NSMCE4A: variants seen among roughly 807,000 people sequenced by gnomAD.
NSMCE4A encodes the protein NSE4A component of SMC5/6 complex.
Under a neutral mutation model 47.9 loss-of-function variants are expected in NSMCE4A, and 40 were observed. The observed-to-expected ratio is 0.83, with a 90% confidence interval of 0.65 to 1.09. The LOEUF (loss-of-function observed/expected upper bound fraction) is 1.09. NSMCE4A is among the 50% of genes least tolerant of loss of function. The probability of loss-of-function intolerance (pLI) is 0.00; values close to 1 mark genes in which losing one functional copy is unlikely to be tolerated. For synonymous variants in NSMCE4A, 166 were observed against 178.5 expected (o/e 0.93, Z 0.56); for missense variants, 500 against 507.0 (o/e 0.99, Z 0.13).
chr10:121,967,533 G>A (rs1361869190), intron 4 of NSMCE4A, 122 bp downstream of exon 4: 3 of 1,092,290 alleles, frequency 2.7e-6, no homozygotes, highest in African/African-American at 1.6e-5. Flanking sequence ...AGTTTCAAAA[G>A]TCTCCAAACA....
intron 5 of NSMCE4A, 103 bp downstream of exon 5, chr10:121,965,183 C>A: frequency 1.5e-6 from 1 of 676,610 alleles, no homozygotes; most frequent in Non-Finnish European, 2.5e-6. Flanking sequence ...AACCTGGCTC[C>A]AGACCCGCAC....
At chr10:121,968,495 T>C (rs1299079784) in intron 3 of NSMCE4A, among the ~76,000 whole-genome samples, 1 of 152,220 alleles carries the variant, frequency 6.6e-6, no homozygotes, top group African/African-American at 2.4e-5. Flanking sequence ...TCAGCTTGTA[T>C]CTCAGTATAT....
intron 5 of NSMCE4A, among the ~76,000 whole-genome samples, chr10:121,964,941 G>A (rs1043749035): frequency 2.0e-5 from 3 of 151,900 alleles, no homozygotes; most frequent in East Asian, 1.9e-4. Context: ...CTCAGGGGTC[G>A]GGGGGGCTAT....
chr10:121,960,257 A>C lies in NSMCE4A; in HGVS notation c.988+101T>G. 1 of 777,972 alleles carries C rather than the reference A, an allele frequency of 1.3e-6. No individual in the cohort carries two copies. The highest frequency in any genetic ancestry group is 1.9e-6 in the Non-Finnish European group (1 of 528,210). 48.2% of individuals were successfully genotyped at this position (777,972 alleles called of 1,614,324 possible). A position where few individuals can be genotyped will look rare whatever the true frequency, so the allele number is the denominator to read the frequency against. ...AGCAAGATACAATATTGTAAAAGTT[A>C]ATCTACATTGAAAATTCATTTACAT... On this transcript the variant is annotated intron_variant, in intron 8 of 10. Transcript: ENST00000369023. The surrounding 1 kb of genome is among the most constrained non-coding windows in gnomAD (Gnocchi z 4.2).
At chr10:121,964,896 T>G (rs1952577119) in intron 5 of NSMCE4A, among the ~76,000 whole-genome samples, 1 of 152,178 alleles carries the variant, frequency 6.6e-6, no homozygotes, top group Non-Finnish European at 1.5e-5. Flanking sequence ...CAGGGAACAT[T>G]TGTTGTCACA....
rs1952486154 is a variant in NSMCE4A at position 121,960,973 on chromosome 10, A to T, written c.939+450T>A. 6.6e-6 allele frequency among the ~76,000 whole-genome samples: 1 copy of T among 152,210 alleles called. No homozygotes were observed. The highest frequency in any genetic ancestry group is 2.4e-5 in the African/African-American group (1 of 41,456). ...AACACGTGGCATATATCCTTTACCC[A>T]TATTCATCAGTCGTTAAAGTGTTAG... is the stretch of plus-strand genomic sequence containing the variant. On this transcript the variant is annotated intron_variant, in intron 7 of 10. Transcript: ENST00000369023. This position sits in a 1 kb window ranked among gnomAD's most constrained non-coding sequence, Gnocchi z 4.2.
rs760846580 is a variant in NSMCE4A at position 121,963,263 on chromosome 10, C to A, written c.819G>T (p.Leu273Phe). The change falls in exon 6 of 11, where the codon TTG becomes TTT. Residue 273 changes from leucine (L) to phenylalanine (F), a missense_variant. Physicochemically the swap from Leu to Phe is conservative, Grantham distance 22 (BLOSUM62 0). Coordinates refer to ENST00000369023, the MANE Select transcript of NSMCE4A (RefSeq NM_017615.3). Reference sequence around the variant, plus strand: ...GATCTTCTCGAAAATATGTCTGCAACAATCCCAAGATTCTTTCTACTTCTT... The same window carrying A: ...GATCTTCTCGAAAATATGTCTGCAAAAATCCCAAGATTCTTTCTACTTCTT... ...TEKEVERILG[L>F]LQTYFREDPD... is the part of the protein sequence containing the mutation. 6.2e-7 allele frequency: 1 copy of A among 1,610,952 alleles called. No individual in the cohort carries two copies. The highest frequency in any genetic ancestry group is 8.5e-7 in the Non-Finnish European group (1 of 1,177,532).
chr10:121,974,514 G>A (rs948533921), intron 1 of NSMCE4A: 1 of 1,004,862 alleles, frequency 1.0e-6, no homozygotes, highest in Non-Finnish European at 1.2e-6. Flanking sequence ...TGCAGCTGCC[G>A]CTGCGAGGCC....
intron 2 of NSMCE4A, among the ~76,000 whole-genome samples, chr10:121,973,441 T>C (rs753526362): frequency 5.1e-4 from 77 of 151,948 alleles, no homozygotes; most frequent in Non-Finnish European, 1.0e-3. Flanking sequence ...CAATTCAAAC[T>C]AAGGTTATTT....
At chr10:121,958,840 G>C (rs2134730084) in intron 10 of NSMCE4A, among the ~76,000 whole-genome samples, 1 of 115,664 alleles carries the variant, frequency 8.6e-6, no homozygotes, top group African/African-American at 2.7e-5. Context: ...TTTTGAGACA[G>C]AGTCTTGCTC....
chr10:121,970,570 G>A (rs977724660), intron 3 of NSMCE4A, among the ~76,000 whole-genome samples: 6 of 151,852 alleles, frequency 4.0e-5, no homozygotes. Context: ...CTCTCGCCAG[G>A]CCTAACTCAA....
At chr10:121,957,402 T>A (rs1394528542) in intron 10 of NSMCE4A, 143 bp from the exon 11 acceptor site, 1 of 150,976 alleles carries the variant, frequency 6.6e-6, no homozygotes, top group Non-Finnish European at 1.5e-5. Context: ...TTAAATTTAT[T>A]CCATATTTAT....
At chr10:121,970,476 GAAA>G (rs57421744) in intron 3 of NSMCE4A, among the ~76,000 whole-genome samples, 5 of 101,918 alleles carry the variant, frequency 4.9e-5, no homozygotes, top group Non-Finnish European at 9.5e-5. Flanking sequence ...TGTCTCAAAG[GAAA>G]AAAAAAAAAA....
chr10:121,960,547 A>G lies in NSMCE4A; in HGVS notation c.940-141T>C, dbSNP rs1952479672. Reference sequence around the variant, plus strand: ...TAGCAATAATAAGGTGATGATATAGATAAGACTTCCCTAGTATCTTTTATT... The same window carrying G: ...TAGCAATAATAAGGTGATGATATAGGTAAGACTTCCCTAGTATCTTTTATT... On this transcript the variant is annotated intron_variant, in intron 7 of 10. Coordinates refer to ENST00000369023, the MANE Select transcript of NSMCE4A (RefSeq NM_017615.3). This position sits in a 1 kb window ranked among gnomAD's most constrained non-coding sequence, Gnocchi z 4.2. 3.6e-6 allele frequency: 2 copies of G among 552,222 alleles called. No homozygotes were observed. The highest frequency in any genetic ancestry group is 6.3e-6 in the Non-Finnish European group (2 of 319,364). 34.2% of individuals were successfully genotyped at this position (552,222 alleles called of 1,614,324 possible).
intron 10 of NSMCE4A, 30 bp downstream of exon 10, chr10:121,959,292 GAA>G: frequency 6.4e-7 from 1 of 1,562,356 alleles, no homozygotes; most frequent in Non-Finnish European, 8.8e-7. Context: ...AACTTTAATA[GAA>G]CTGTGTAGCC....
intron 1 of NSMCE4A, 134 bp downstream of exon 1, chr10:121,974,740 C>T (rs1204656453): frequency 1.7e-6 from 2 of 1,152,210 alleles, no homozygotes; most frequent in Non-Finnish European, 2.1e-6. Context: ...GAGGGGCTGG[C>T]ACCCGGCGCG....
chr10:121,973,960 A>C, intron 2 of NSMCE4A, 44 bp downstream of exon 2: 1 of 1,351,740 alleles, frequency 7.4e-7, no homozygotes, highest in Non-Finnish European at 1.0e-6. Context: ...ACACTAATTA[A>C]AAGTATCATA....
chr10:121,963,442 T>C (rs1464034171), intron 5 of NSMCE4A, 114 bp from the exon 6 acceptor site: 15 of 631,668 alleles, frequency 2.4e-5, no homozygotes, highest in Non-Finnish European at 3.9e-5. Flanking sequence ...AACTCTTTTT[T>C]TTTTTTGAGA....
intron 1 of NSMCE4A, 86 bp downstream of exon 1, chr10:121,974,788 T>C: frequency 8.3e-7 from 1 of 1,209,468 alleles, no homozygotes; most frequent in Non-Finnish European, 1.0e-6. Context: ...GCCCGGCACC[T>C]GCCTCCGGTG....
Sources: gnomAD v4.1 joint callset for allele counts (sites outside exome capture counted in the v4.1 genomes callset) on GRCh38, gnomAD v4.1.1 for gene constraint, Gnocchi (gnomAD v3.1) non-coding constraint, MANE v1.5 for transcripts, NCBI Gene and HGNC (gene_info 2026-07-23, HGNC 2026-07-21) for gene names.